The following AGMO variants were observed in gnomAD, a reference collection of about 807,000 sequenced individuals.
AGMO encodes alkylglycerol monooxygenase, also known as glyceryl-ether monooxygenase.
Under a neutral mutation model 60.2 loss-of-function variants are expected in AGMO, and 75 were observed. The ratio of observed to expected loss-of-function variants is 1.25; its 90% CI spans 1.03 to 1.51. AGMO has a LOEUF of 1.51. Among genes scored for constraint, AGMO ranks in the 40% most tolerant of loss-of-function variants. The pLI is 0.00. For missense variants in AGMO, 763 were observed against 525.5 expected (o/e 1.45, Z -4.42); for synonymous variants, 261 against 177.1 (o/e 1.47, Z -3.76).
the AGMO span, among the ~76,000 whole-genome samples, chr7:15,148,198 T>C: frequency 3.3e-5 from 5 of 152,308 alleles, no homozygotes; most frequent in African/African-American, 1.2e-4. Flanking sequence ...AAAGTACATA[T>C]TTTAGATTTT....
the AGMO span, among the ~76,000 whole-genome samples, chr7:15,194,391 T>C: frequency 2.6e-5 from 4 of 152,028 alleles, no homozygotes; most frequent in Admixed American, 2.0e-4. Context: ...AAAAGAAAAA[T>C]ATATATAAGT....
At chr7:15,380,998 G>A (rs1165229823) in intron 10 of AGMO, among the ~76,000 whole-genome samples, 1 of 151,990 alleles carries the variant, frequency 6.6e-6, no homozygotes, top group East Asian at 1.9e-4. Flanking sequence ...GATTCAAACT[G>A]GACCCCTCCC....
intron 12 of AGMO, among the ~76,000 whole-genome samples, chr7:15,265,484 T>C (rs763810777): frequency 1.3e-5 from 2 of 152,040 alleles, no homozygotes; most frequent in Non-Finnish European, 2.9e-5. Context: ...AAAGACTGAT[T>C]ACAATGTTTA....
chr7:15,228,281 C>G (rs559373450), intron 12 of AGMO, among the ~76,000 whole-genome samples: 1 of 152,002 alleles, frequency 6.6e-6, no homozygotes, highest in Non-Finnish European at 1.5e-5. Context: ...GTGGTCAAAA[C>G]CTGAGTTGAA....
At chr7:15,227,197 T>C (rs1782110253) in intron 12 of AGMO, among the ~76,000 whole-genome samples, 1 of 152,034 alleles carries the variant, frequency 6.6e-6, no homozygotes, top group Non-Finnish European at 1.5e-5. Flanking sequence ...CAAATTGCAG[T>C]CTAACATAAG....
chr7:15,209,391 AG>A (rs10716450), intron 12 of AGMO, among the ~76,000 whole-genome samples: 76,008 of 147,250 alleles, frequency 0.52, 20,003 homozygotes, highest in African/African-American at 0.69. Context: ...TCAAAAAATG[AG>A]GTTTTTTTTT....
intron 3 of AGMO, among the ~76,000 whole-genome samples, chr7:15,470,327 T>C (rs1782417780): frequency 6.6e-6 from 1 of 152,030 alleles, no homozygotes; most frequent in Non-Finnish European, 1.5e-5. Flanking sequence ...ACAAGAAATT[T>C]GAAGAAAGTG....
the AGMO span, among the ~76,000 whole-genome samples, chr7:15,186,816 T>C: frequency 6.6e-6 from 1 of 152,128 alleles, no homozygotes; most frequent in Non-Finnish European, 1.5e-5. Flanking sequence ...ATTCCACTTC[T>C]GGTGGTCCCG....
intron 12 of AGMO, among the ~76,000 whole-genome samples, chr7:15,286,920 G>A (rs1234265132): frequency 6.6e-6 from 1 of 151,988 alleles, no homozygotes; most frequent in Non-Finnish European, 1.5e-5. Context: ...TAACATCTCA[G>A]GCAGCAACTT....
At chr7:15,447,037 C>G (rs1290343998) in intron 3 of AGMO, among the ~76,000 whole-genome samples, 1 of 152,152 alleles carries the variant, frequency 6.6e-6, no homozygotes, top group African/African-American at 2.4e-5. Flanking sequence ...AGGCACCAAA[C>G]GATGAGATGA....
chr7:15,433,345 C>T (rs1218874028), intron 3 of AGMO, among the ~76,000 whole-genome samples: 1 of 152,028 alleles, frequency 6.6e-6, no homozygotes, highest in African/African-American at 2.4e-5. Context: ...CTGTGTGTAA[C>T]ACAAGCCTCA....
the AGMO span, among the ~76,000 whole-genome samples, chr7:15,124,920 T>G: frequency 6.6e-6 from 1 of 152,034 alleles, no homozygotes; most frequent in African/African-American, 2.4e-5. Flanking sequence ...GAACATAGTC[T>G]AATGGCTGAA....
rs145135371 is a variant in AGMO, at chr7:15,372,243, G to C, written c.1075-6021C>G. On this transcript the variant is annotated intron_variant, in intron 10 of 12. Coordinates refer to ENST00000342526, the MANE Select transcript of AGMO (RefSeq NM_001004320.2). The stretch of plus-strand genomic sequence containing the variant: ...AGGTGAGCGGATCACTTGAGGTCAG[G>C]AGTTCAGGACCAGTCTGGCCAACAC... Among the ~76,000 whole-genome samples the C allele has an allele frequency of 2.0e-5, 3 of 152,122 alleles. No individual in the cohort carries two copies. The East Asian group carries it at 5.8e-4, about 30-fold the overall frequency.
At position 15,547,848 on chromosome 7, in the gene AGMO, C is replaced by T. The variant is rs572236764; in HGVS notation, c.258-2925G>A. Among the ~76,000 whole-genome samples the T allele has an allele frequency of 3.2e-3, 491 of 152,186 alleles. 3 individuals carry two copies. The highest frequency in any genetic ancestry group is 4.7e-3 in the Non-Finnish European group (323 of 68,026). On this transcript the variant is annotated intron_variant, in intron 2 of 12. Coordinates refer to ENST00000342526, the MANE Select transcript of AGMO (RefSeq NM_001004320.2). ...GGAGGCCTGCCTGCCTCTGTAGGCT[C>T]CACCTCTGGGGGCAGGGCACAGACA...
chr7:15,146,172 G>T, the AGMO span, among the ~76,000 whole-genome samples: 4 of 151,936 alleles, frequency 2.6e-5, no homozygotes, highest in African/African-American at 4.8e-5. Flanking sequence ...TATAATATTT[G>T]AAATATAACC....
chr7:15,142,816 C>T, the AGMO span, among the ~76,000 whole-genome samples: 3 of 152,092 alleles, frequency 2.0e-5, no homozygotes, highest in African/African-American at 7.2e-5. Flanking sequence ...ATCATTTCTG[C>T]TAATATATAC....
At position 15,303,447 on chromosome 7, in the gene AGMO, G is replaced by A. The variant is rs972156091; in HGVS notation, c.1263+62067C>T. On this transcript the variant is annotated intron_variant, in intron 12 of 12. Coordinates refer to ENST00000342526, the MANE Select transcript of AGMO (RefSeq NM_001004320.2). Reference sequence around the variant, plus strand: ...AGAATGGAAAAACAGAAAAAAAAAAGAGAGAGAAGGGGTGGTGAACATCTG... The same window carrying A: ...AGAATGGAAAAACAGAAAAAAAAAAAAGAGAGAAGGGGTGGTGAACATCTG... 4.2e-5 allele frequency among the ~76,000 whole-genome samples: 6 copies of A among 142,172 alleles called. No homozygotes were observed. The East Asian group carries it at 6.1e-4, about 15-fold the overall frequency. 93.3% of individuals were successfully genotyped at this position (142,172 alleles called of 152,430 possible).
chr7:15,455,081 TCA>T (rs34074240), intron 3 of AGMO, among the ~76,000 whole-genome samples: 75,722 of 145,982 alleles, frequency 0.52, 19,490 homozygotes, highest in South Asian at 0.62. Flanking sequence ...TCTCTCTTTC[TCA>T]CACACACACA....
chr7:15,220,208 CTTTTTTTTTTTT>C (rs904364065), intron 12 of AGMO, among the ~76,000 whole-genome samples: 11 of 109,518 alleles, frequency 1.0e-4, no homozygotes, highest in Non-Finnish European at 1.8e-4. Flanking sequence ...CTGACTGTGC[CTTTTTTTTTTTT>C]TTTTTTTTTT....
Sources: gnomAD v4.1 joint callset for allele counts (sites outside exome capture counted in the v4.1 genomes callset) on GRCh38, gnomAD v4.1.1 for gene constraint, MANE v1.5 for transcripts, NCBI Gene and HGNC (gene_info 2026-07-23, HGNC 2026-07-21) for gene names.